Variants in LEMD3 observed in about 807,000 individuals in gnomAD.
The protein encoded by LEMD3 is LEM domain containing 3.
LEMD3 carries 33 observed loss-of-function variants against 95.2 expected under a neutral mutation model. The observed-to-expected ratio is 0.35, with a 90% CI of 0.26 to 0.46. The LOEUF (loss-of-function observed/expected upper bound fraction) is 0.46. Ranked by LOEUF, LEMD3 falls within the 20% of genes least tolerant of loss-of-function variation. The pLI is 1.00. For missense variants in LEMD3, 1,210 were observed against 1,192.8 expected, an observed-to-expected ratio of 1.01 and a Z score of -0.21; for synonymous variants, 525 against 474.6, an observed-to-expected ratio of 1.11 and a Z score of -1.38.
At chr12:65,192,695 A>G (rs1234752927) in intron 1 of LEMD3, among the ~76,000 whole-genome samples, 1 of 152,212 alleles carries the variant, frequency 6.6e-6, no homozygotes, top group Non-Finnish European at 1.5e-5. Flanking sequence ...GACACAGGAC[A>G]TGATTACTAA....
intron 1 of LEMD3, among the ~76,000 whole-genome samples, chr12:65,174,477 T>G (rs898997931): frequency 6.6e-6 from 1 of 152,178 alleles, no homozygotes; most frequent in African/African-American, 2.4e-5. Flanking sequence ...AATTTTTTTT[T>G]CAATTACAAA....
chr12:65,202,368 A>G lies in LEMD3; in HGVS notation c.1523-8558A>G, dbSNP rs1247510563. 2.6e-5 allele frequency among the ~76,000 whole-genome samples: 4 copies of G among 151,760 alleles called. No individual in the cohort carries two copies. The East Asian group carries it at 7.8e-4, about 30-fold the overall frequency. ...TTTTTCTGCATTTGTTGATAAGATC[A>G]TGTGATTTTTTTTTTCTTTAGCCTG... On this transcript the variant is annotated intron_variant, in intron 1 of 12. Transcript: ENST00000308330.
rs772145338 is a variant in LEMD3, at chr12:65,170,524, G to T, written c.928G>T (p.Val310Phe). ...GGCCGGCGGCAGGCTGGAGACTTCA[G>T]TTCAGGGAGGGGGAGGACTCGCGAT... is the stretch of plus-strand genomic sequence containing the variant. ...KSAGGRLETS[V>F]QGGGGLAMND... Residue 310 changes from valine to phenylalanine, a missense_variant, in exon 1 of 13, where the codon GTT becomes TTT. Physicochemically the swap from Val to Phe is conservative, Grantham distance 50. Coordinates refer to ENST00000308330, the MANE Select transcript of LEMD3 (RefSeq NM_014319.5). The T allele has an allele frequency of 6.2e-7, 1 of 1,614,148 alleles. No homozygotes were observed. The highest frequency in any genetic ancestry group is 8.5e-7 in the Non-Finnish European group (1 of 1,180,032).
chr12:65,218,896 C>G (rs1870195490), intron 4 of LEMD3, among the ~76,000 whole-genome samples: 1 of 149,074 alleles, frequency 6.7e-6, no homozygotes, highest in Middle Eastern at 3.3e-3. Context: ...TCAAGCGATT[C>G]TCCTGCCTCA....
rs34468551 is a variant in LEMD3 at position 65,221,179 on chromosome 12, C to CT, written c.1695+2576dup. On this transcript the variant is annotated intron_variant, in intron 4 of 12. Transcript: ENST00000308330. ...TATTTGTGTCTTTTATTTCATTCAGCTTTTTTTTTTTTTTTTGTAGTTTTC... is the reference window on the plus strand; with the variant it reads ...TATTTGTGTCTTTTATTTCATTCAGCTTTTTTTTTTTTTTTTTGTAGTTTTC... Among the ~76,000 whole-genome samples, 626 of 123,344 alleles carry CT rather than the reference C, an allele frequency of 5.1e-3. 7 individuals are homozygous for CT. The highest frequency in any genetic ancestry group is 0.016 in the African/African-American group (558 of 34,352). 80.9% of individuals were successfully genotyped at this position (123,344 alleles called of 152,430 possible). A position where few individuals can be genotyped will look rare whatever the true frequency, so the allele number is the denominator to read the frequency against.
chr12:65,171,492 T>G, intron 1 of LEMD3: 1 of 252,322 alleles, frequency 4.0e-6, no homozygotes, highest in Admixed American at 5.0e-5. Context: ...ATAAATGTAG[T>G]GTTTTTCCAA....
rs2136312721 is a variant in LEMD3, at chr12:65,170,131, G to A, written c.535G>A (p.Ala179Thr). ...GLKAPPAPLA[A>T]SEVTNSNSAE... The stretch of plus-strand genomic sequence containing the variant: ...CAAAGCGCCGCCGGCGCCCCTGGCC[G>A]CCAGCGAGGTGACTAACAGCAACTC... Residue 179 changes from alanine to threonine, a missense_variant, in exon 1 of 13, where the codon GCC becomes ACC. By Grantham distance (58) the Ala-to-Thr change is moderately conservative. This residue lies in a region of LEMD3 where 749 missense variants were observed against 622.9 expected (regional missense o/e 1.20). Coordinates refer to ENST00000308330, the MANE Select transcript of LEMD3 (RefSeq NM_014319.5). The A allele has an allele frequency of 2.0e-6, 3 of 1,464,256 alleles. No homozygotes were observed. The highest frequency in any genetic ancestry group is 2.7e-6 in the Non-Finnish European group (3 of 1,113,880). 90.7% of individuals were successfully genotyped at this position (1,464,256 alleles called of 1,614,324 possible). A position where few individuals can be genotyped will look rare whatever the true frequency, so the allele number is the denominator to read the frequency against.
intron 2 of LEMD3, among the ~76,000 whole-genome samples, chr12:65,214,592 C>T (rs1870044549): frequency 1.3e-5 from 2 of 152,150 alleles, no homozygotes; most frequent in South Asian, 4.1e-4. Flanking sequence ...AACATGTTCT[C>T]TTCTGTCCCT....
chr12:65,201,122 T>C (rs1869587928), intron 1 of LEMD3, among the ~76,000 whole-genome samples: 1 of 152,170 alleles, frequency 6.6e-6, no homozygotes, highest in Non-Finnish European at 1.5e-5. Context: ...TATATGGGTC[T>C]ATTTCTGGGC....
At chr12:65,230,372 A>C (rs145574521) in intron 4 of LEMD3, among the ~76,000 whole-genome samples, 2 of 152,182 alleles carry the variant, frequency 1.3e-5, no homozygotes, top group African/African-American at 4.8e-5. Context: ...GAATCTATAC[A>C]TAGATTATTT....
intron 1 of LEMD3, among the ~76,000 whole-genome samples, chr12:65,195,667 G>T (rs115768196): frequency 6.6e-6 from 1 of 152,234 alleles, no homozygotes; most frequent in African/African-American, 2.4e-5. Context: ...AAGGAAAGAC[G>T]AGTGTAGGTA....
Position 65,247,622 on chromosome 12 carries a change from T to C in LEMD3, c.*1297T>C, listed in dbSNP as rs1871155653. ...TGGCTTTTTAAAAATAACCTGTTGA[T>C]ATATAATTGTCAGTCCAAATGAATA... On this transcript the variant is annotated 3_prime_UTR_variant, in exon 13 of 13. Coordinates refer to ENST00000308330, the MANE Select transcript of LEMD3 (RefSeq NM_014319.5). 1 of 152,408 alleles carries C rather than the reference T, an allele frequency of 6.6e-6. No individual in the cohort carries two copies. Among genetic ancestry groups the C allele is most frequent in the Admixed American group, 6.5e-5 (1 of 15,282 alleles). The allele number at this position is 152,408 out of a possible 1,614,324, so 9.4% of individuals were successfully genotyped here. A position where few individuals can be genotyped will look rare whatever the true frequency, so the allele number is the denominator to read the frequency against.
chr12:65,181,864 A>G (rs1033940890), intron 1 of LEMD3, among the ~76,000 whole-genome samples: 1 of 152,104 alleles, frequency 6.6e-6, no homozygotes, highest in Non-Finnish European at 1.5e-5. Flanking sequence ...AAGATGTTCT[A>G]GAAATATTCT....
At chr12:65,206,072 T>C (rs1269204178) in intron 1 of LEMD3, among the ~76,000 whole-genome samples, 1 of 152,126 alleles carries the variant, frequency 6.6e-6, no homozygotes, top group Non-Finnish European at 1.5e-5. Flanking sequence ...TGGATGATAG[T>C]GAAATGCAGA....
At chr12:65,244,717 G>A (rs1034604612) in intron 10 of LEMD3, among the ~76,000 whole-genome samples, 2 of 152,150 alleles carry the variant, frequency 1.3e-5, no homozygotes, top group African/African-American at 2.4e-5. Flanking sequence ...GGAAGCCGAG[G>A]TGGGTGGATC....
At chr12:65,227,989 A>G (rs1870507090) in intron 4 of LEMD3, among the ~76,000 whole-genome samples, 1 of 152,128 alleles carries the variant, frequency 6.6e-6, no homozygotes, top group Non-Finnish European at 1.5e-5. Context: ...GAACCCATGG[A>G]TAAAAGGACT....
chr12:65,218,467 T>C, intron 3 of LEMD3, 85 bp from the exon 4 acceptor site: 3 of 731,916 alleles, frequency 4.1e-6, no homozygotes, highest in South Asian at 3.3e-5. Context: ...TTGTATAATG[T>C]ATAAAATATT....
intron 1 of LEMD3, among the ~76,000 whole-genome samples, chr12:65,179,757 C>T (rs956670777): frequency 6.6e-6 from 1 of 151,976 alleles, no homozygotes; most frequent in Non-Finnish European, 1.5e-5. Context: ...CACATGTATC[C>T]CAGAACTTAA....
chr12:65,172,429 G>A (rs1868579780), intron 1 of LEMD3, among the ~76,000 whole-genome samples: 1 of 152,194 alleles, frequency 6.6e-6, no homozygotes, highest in Non-Finnish European at 1.5e-5. Context: ...AAGAGTAGGA[G>A]TCAAAATAAT....
Sources: gnomAD v4.1 joint callset for allele counts (sites outside exome capture counted in the v4.1 genomes callset) on GRCh38, gnomAD v4.1.1 for gene constraint, gnomAD v4.1.1 regional missense constraint, MANE v1.5 for transcripts, NCBI Gene and HGNC (gene_info 2026-07-23, HGNC 2026-07-21) for gene names.